The following SH3PXD2B variants were observed in gnomAD, a reference collection of about 807,000 sequenced individuals.
SH3PXD2B encodes SH3 and PX domain-containing protein 2B.
In SH3PXD2B, 37 loss-of-function variants were observed where a neutral mutation model predicts 73.1. The ratio of observed to expected loss-of-function variants is 0.51; its 90% CI spans 0.39 to 0.67. The LOEUF (loss-of-function observed/expected upper bound fraction) is 0.67. SH3PXD2B is among the 30% of genes least tolerant of loss of function. SH3PXD2B has a pLI of 0.00. For missense variants in SH3PXD2B, 1,053 were observed against 1,197.8 expected, an observed-to-expected ratio of 0.88 and a Z score of 1.78; for synonymous variants, 457 against 480.5, an observed-to-expected ratio of 0.95 and a Z score of 0.64.
intron 8 of SH3PXD2B, among the ~76,000 whole-genome samples, chr5:172,358,129 C>T (rs1291920304): frequency 6.6e-6 from 1 of 152,204 alleles, no homozygotes; most frequent in Non-Finnish European, 1.5e-5. Context: ...AGTGGTACAG[C>T]TGAGATTAAA....
At chr5:172,441,562 T>C (rs1759550640) in intron 1 of SH3PXD2B, among the ~76,000 whole-genome samples, 1 of 152,152 alleles carries the variant, frequency 6.6e-6, no homozygotes, top group African/African-American at 2.4e-5. Context: ...CCCTAGACGA[T>C]GATGAACTCA....
At position 172,339,952 on chromosome 5, in the gene SH3PXD2B, A is replaced by T; in HGVS notation, c.1189-36T>A. The T allele has an allele frequency of 6.2e-7, 1 of 1,613,304 alleles. No homozygotes were observed. Among genetic ancestry groups the T allele is most frequent in the East Asian group, 2.2e-5 (1 of 44,856 alleles). Reference sequence around the variant, plus strand: ...GGATAGAGAAAGGCACTTGGCTACGATGCCAGGGCCAGCAGATGGAATGGT... The same window carrying T: ...GGATAGAGAAAGGCACTTGGCTACGTTGCCAGGGCCAGCAGATGGAATGGT... On this transcript the variant is annotated intron_variant, in intron 12 of 12. Transcript: ENST00000311601. This position sits in a 1 kb window ranked among gnomAD's most constrained non-coding sequence, Gnocchi z 6.1.
rs1342110704 is a variant in SH3PXD2B at position 172,353,407 on chromosome 5, GGTGAAAGGGCT to G, written c.785+470_785+480del. On this transcript the variant is annotated intron_variant, in intron 9 of 12. Transcript: ENST00000311601. The surrounding 1 kb of genome is among the most constrained non-coding windows in gnomAD (Gnocchi z 4.3). ...TGGGAGGCTCTGATATCATCACATA[GGTGAAAGGGCT>G]GTGAAAGGTGTTTGGAATGCAGACG... 1.3e-5 allele frequency among the ~76,000 whole-genome samples: 2 copies of G among 152,226 alleles called. No homozygotes were observed. The highest frequency in any genetic ancestry group is 2.4e-5 in the African/African-American group (1 of 41,450).
At chr5:172,453,212 CTT>C (rs1561589570) in intron 1 of SH3PXD2B, among the ~76,000 whole-genome samples, 1 of 152,106 alleles carries the variant, frequency 6.6e-6, no homozygotes, top group African/African-American at 2.4e-5. Flanking sequence ...TTCTATACTT[CTT>C]TGTTAGGATT....
intron 10 of SH3PXD2B, among the ~76,000 whole-genome samples, chr5:172,349,094 T>C (rs1175262269): frequency 6.6e-6 from 1 of 152,208 alleles, no homozygotes; most frequent in Admixed American, 6.5e-5. Context: ...ATCTAACCTC[T>C]TGGCCATGAT....
At position 172,339,791 on chromosome 5, in the gene SH3PXD2B, A is replaced by T. The variant is rs1441791948; in HGVS notation, c.1314T>A (p.Ala438=). 1 of 1,613,038 alleles carries T rather than the reference A, an allele frequency of 6.2e-7. No homozygotes were observed. The highest frequency in any genetic ancestry group is 1.7e-5 in the Admixed American group (1 of 59,958). Residue 438 remains alanine (A), a synonymous_variant, in exon 13 of 13, where the codon GCT becomes GCA. Coordinates refer to ENST00000311601, the MANE Select transcript of SH3PXD2B (RefSeq NM_001017995.3). This position sits in a 1 kb window ranked among gnomAD's most constrained non-coding sequence, Gnocchi z 6.1. ...GCTGGGTCACCTCGTGGGGCAGGGG[A>T]GCCAGAAAGTTGGGTCTCGACGCGT... ...TSNASRPNFL[A]PLPHEVTQLR...
Position 172,350,594 on chromosome 5 carries a change from G to A in SH3PXD2B, c.786-5C>T, listed in dbSNP as rs1054923108. On this transcript the variant is annotated splice_region_variant and splice_polypyrimidine_tract_variant and intron_variant, in intron 9 of 12. Transcript: ENST00000311601. ...CAGCCTTCTTTGCCCTGGTACCTGT[G>A]AAGAGGAGGAAGGATGCTGTCAAAC... 2 of 1,598,656 alleles carry A rather than the reference G, an allele frequency of 1.3e-6. No individual in the cohort carries two copies. The highest frequency in any genetic ancestry group is 1.7e-6 in the Non-Finnish European group (2 of 1,172,376).
intron 3 of SH3PXD2B, among the ~76,000 whole-genome samples, chr5:172,397,693 A>G (rs1486617124): frequency 6.6e-6 from 1 of 152,246 alleles, no homozygotes; most frequent in Non-Finnish European, 1.5e-5. Context: ...CTGGCACCCA[A>G]CATGGTCTTT....
chr5:172,394,701 G>T, intron 3 of SH3PXD2B, 62 bp from the exon 4 acceptor site: 1 of 1,572,300 alleles, frequency 6.4e-7, no homozygotes, highest in Non-Finnish European at 8.7e-7. Context: ...TCAGCAACCT[G>T]AGAGGGTGTG....
At chr5:172,373,956 G>T in intron 5 of SH3PXD2B, 141 bp from the exon 6 acceptor site, 1 of 901,278 alleles carries the variant, frequency 1.1e-6, no homozygotes, top group Non-Finnish European at 1.7e-6. Context: ...GCCAACTAGA[G>T]GAACCCTGAC....
intron 2 of SH3PXD2B, among the ~76,000 whole-genome samples, chr5:172,422,160 A>G (rs1758979450): frequency 1.3e-5 from 2 of 151,936 alleles, no homozygotes; most frequent in South Asian, 4.2e-4. Flanking sequence ...GCACCTGGCT[A>G]ATGTTTGTAT....
intron 6 of SH3PXD2B, among the ~76,000 whole-genome samples, chr5:172,365,708 C>T (rs1757504647): frequency 6.6e-6 from 1 of 152,200 alleles, no homozygotes; most frequent in Non-Finnish European, 1.5e-5. Flanking sequence ...TCCTGCTGGC[C>T]CCATTAACAA....
intron 4 of SH3PXD2B, among the ~76,000 whole-genome samples, chr5:172,390,473 C>A (rs1758156405): frequency 6.6e-6 from 1 of 152,236 alleles, no homozygotes; most frequent in Non-Finnish European, 1.5e-5. Context: ...CAGCCTCCAA[C>A]TCCTGGACTC....
intron 3 of SH3PXD2B, among the ~76,000 whole-genome samples, chr5:172,396,277 G>T (rs138029822): frequency 0.011 from 1,625 of 151,256 alleles, 25 homozygotes; most frequent in African/African-American, 0.036. Context: ...AGGAAGCTAA[G>T]GCAGGAGAAT....
intron 5 of SH3PXD2B, 62 bp from the exon 6 acceptor site, chr5:172,373,877 G>A: frequency 1.3e-6 from 2 of 1,579,352 alleles, no homozygotes; most frequent in South Asian, 1.1e-5. Flanking sequence ...GTATTGACGT[G>A]AGTTATTCTG....
At chr5:172,429,347 G>C (rs1291405143) in intron 1 of SH3PXD2B, among the ~76,000 whole-genome samples, 2 of 148,958 alleles carry the variant, frequency 1.3e-5, no homozygotes, top group Non-Finnish European at 3.0e-5. Context: ...TGTTTTGGGG[G>C]AGCAGCTGGG....
At chr5:172,429,943 T>G (rs2113479585) in intron 1 of SH3PXD2B, among the ~76,000 whole-genome samples, 1 of 152,332 alleles carries the variant, frequency 6.6e-6, no homozygotes, top group Admixed American at 6.5e-5. Flanking sequence ...CCTACTGTTC[T>G]GCGAGGCTGT....
intron 1 of SH3PXD2B, among the ~76,000 whole-genome samples, chr5:172,442,189 T>A (rs114321941): frequency 6.6e-6 from 1 of 152,042 alleles, no homozygotes; most frequent in African/African-American, 2.4e-5. Flanking sequence ...CCCAAGGAGG[T>A]TGGGTAACTT....
chr5:172,402,658 G>C (rs556721527), intron 3 of SH3PXD2B, among the ~76,000 whole-genome samples: 2 of 152,104 alleles, frequency 1.3e-5, no homozygotes, highest in African/African-American at 4.8e-5. Flanking sequence ...TTGAATTATC[G>C]GGGGTGGGTT....
Sources: gnomAD v4.1 joint callset for allele counts (sites outside exome capture counted in the v4.1 genomes callset) on GRCh38, gnomAD v4.1.1 for gene constraint, Gnocchi (gnomAD v3.1) non-coding constraint, MANE v1.5 for transcripts, NCBI Gene and HGNC (gene_info 2026-07-23, HGNC 2026-07-21) for gene names.